Variants in FBXO34 observed in about 807,000 individuals in gnomAD.
FBXO34 encodes the protein F-box only protein 34.
Under a neutral mutation model 24.5 loss-of-function variants are expected in FBXO34, and 12 were observed. The ratio of observed to expected loss-of-function variants is 0.49; its 90% confidence interval spans 0.31 to 0.79. FBXO34 has a LOEUF of 0.79. Ranked by LOEUF, FBXO34 falls within the 30% of genes least tolerant of loss-of-function variation. The pLI, the probability that FBXO34 is intolerant of heterozygous loss-of-function variation, is 0.04. For missense variants in FBXO34, 823 were observed against 857.7 expected (o/e 0.96, Z 0.51); for synonymous variants, 320 against 311.9 (o/e 1.03, Z -0.27).
chr14:55,414,266 A>G, the FBXO34 span: 4 of 793,220 alleles, frequency 5.0e-6, no homozygotes, highest in South Asian at 7.4e-5. Context: ...TCGCCCTTTA[A>G]TAAGTAACGT....
At chr14:55,307,985 G>C (rs1882610019) in intron 1 of FBXO34, among the ~76,000 whole-genome samples, 1 of 152,096 alleles carries the variant, frequency 6.6e-6, no homozygotes, top group African/African-American at 2.4e-5. Context: ...TGAATCATGA[G>C]GGCAGGTTTC....
the FBXO34 span, chr14:55,435,968 A>G: frequency 2.4e-6 from 3 of 1,273,640 alleles, no homozygotes; most frequent in Non-Finnish European, 3.3e-6. Context: ...AACTTATATC[A>G]GATATAAAGA....
At chr14:55,429,644 TA>T in the FBXO34 span, among the ~76,000 whole-genome samples, 1 of 151,246 alleles carries the variant, frequency 6.6e-6, no homozygotes, top group Non-Finnish European at 1.5e-5. Context: ...CGGGCACCTG[TA>T]ATCCCAGCTA....
intron 1 of FBXO34, chr14:55,318,417 C>T (rs1883012732): frequency 5.9e-5 from 2 of 33,792 alleles, no homozygotes; most frequent in Non-Finnish European, 9.1e-5. Flanking sequence ...TATATGCAGT[C>T]AGTAACTTTT....
intron 1 of FBXO34, among the ~76,000 whole-genome samples, chr14:55,292,548 A>T (rs879623114): frequency 1.3e-4 from 19 of 151,970 alleles, no homozygotes; most frequent in Admixed American, 1.1e-3. Context: ...TTCTCAGTAG[A>T]GATGTGGTTT....
chr14:55,389,661 T>C, the FBXO34 span, among the ~76,000 whole-genome samples: 5 of 152,378 alleles, frequency 3.3e-5, no homozygotes, highest in South Asian at 8.3e-4. Context: ...ACTCATTTAA[T>C]GTTACATAAA....
chr14:55,369,594 T>C, downstream of FBXO34: 1 of 1,464,370 alleles, frequency 6.8e-7, no homozygotes, highest in Non-Finnish European at 9.1e-7. Flanking sequence ...TTGATGCAGA[T>C]TTGGTATGTT....
intron 1 of FBXO34, among the ~76,000 whole-genome samples, chr14:55,336,871 C>CACACAG (rs1203065386): frequency 1.4e-5 from 2 of 144,304 alleles, no homozygotes; most frequent in Non-Finnish European, 3.1e-5. Context: ...CATGCACGCA[C>CACACAG]ACACACACAC....
chr14:55,423,426 C>A, the FBXO34 span, among the ~76,000 whole-genome samples: 1 of 152,216 alleles, frequency 6.6e-6, no homozygotes, highest in Non-Finnish European at 1.5e-5. Flanking sequence ...TAATTGTCTA[C>A]AGGTAAAAGC....
the FBXO34 span, chr14:55,428,862 C>T: frequency 1.5e-5 from 25 of 1,614,074 alleles, no homozygotes; most frequent in Non-Finnish European, 2.1e-5. Flanking sequence ...GGAAATCTCA[C>T]ATCACAGCTT....
chr14:55,415,891 T>C, the FBXO34 span, among the ~76,000 whole-genome samples: 3 of 152,096 alleles, frequency 2.0e-5, no homozygotes, highest in Non-Finnish European at 4.4e-5. Context: ...ATGGTGTGTA[T>C]ATACAATAGA....
the FBXO34 span, among the ~76,000 whole-genome samples, chr14:55,405,418 T>G: frequency 6.6e-6 from 1 of 152,224 alleles, no homozygotes. Flanking sequence ...CTAAAACTTG[T>G]CAGTGAAGGT....
chr14:55,411,884 C>CAGG, the FBXO34 span: 6 of 1,451,856 alleles, frequency 4.1e-6, no homozygotes, highest in South Asian at 7.7e-5. Flanking sequence ...CATTCTGGGC[C>CAGG]AGGAGGAGGG....
chr14:55,437,388 G>A, the FBXO34 span, among the ~76,000 whole-genome samples: 2 of 152,380 alleles, frequency 1.3e-5, no homozygotes. Flanking sequence ...TGAGGCATGA[G>A]AATCTCTTGA....
At chr14:55,280,170 T>A (rs1594721371) in intron 1 of FBXO34, among the ~76,000 whole-genome samples, 1 of 152,324 alleles carries the variant, frequency 6.6e-6, no homozygotes, top group Middle Eastern at 3.4e-3. Flanking sequence ...TACATGTATA[T>A]ATATCACATC....
chr14:55,314,261 T>A (rs1015106921), intron 1 of FBXO34, among the ~76,000 whole-genome samples: 10 of 151,938 alleles, frequency 6.6e-5, no homozygotes, highest in African/African-American at 1.7e-4. Context: ...GAAAAAAAAA[T>A]GGATTTTGTT....
the FBXO34 span, among the ~76,000 whole-genome samples, chr14:55,416,833 GTTC>G: frequency 6.6e-6 from 1 of 152,172 alleles, no homozygotes; most frequent in African/African-American, 2.4e-5. Context: ...CAAAACCAAG[GTTC>G]TTCTTTTCAT....
chr14:55,428,437 C>T, the FBXO34 span, among the ~76,000 whole-genome samples: 1 of 152,056 alleles, frequency 6.6e-6, no homozygotes, highest in Admixed American at 6.6e-5. Context: ...CGTTTGTATG[C>T]TTACAAATCT....
At chr14:55,289,373 T>A (rs1881867083) in intron 1 of FBXO34, among the ~76,000 whole-genome samples, 1 of 152,162 alleles carries the variant, frequency 6.6e-6, no homozygotes, top group Non-Finnish European at 1.5e-5. Context: ...TTTTGAATAA[T>A]ATGTTCACAT....
Sources: gnomAD v4.1 joint callset for allele counts (sites outside exome capture counted in the v4.1 genomes callset) on GRCh38, gnomAD v4.1.1 for gene constraint, MANE v1.5 for transcripts, NCBI Gene and HGNC (gene_info 2026-07-23, HGNC 2026-07-21) for gene names.